The following ASTN2 variants were observed in gnomAD, a reference collection of about 807,000 sequenced individuals.
ASTN2 encodes the protein astrotactin 2.
ASTN2 carries 54 observed loss-of-function variants against 139.8 expected under a neutral mutation model. The ratio of observed to expected loss-of-function variants is 0.39; its 90% CI spans 0.31 to 0.48. The LOEUF (loss-of-function observed/expected upper bound fraction) is 0.48, where lower values mean the gene tolerates loss of function less well. Among genes scored for constraint, ASTN2 ranks in the 20% least tolerant of loss-of-function variants. The pLI, the probability that ASTN2 is intolerant of heterozygous loss-of-function variation, is 0.95. For missense variants in ASTN2, 1,565 were observed against 1,725.1 expected (o/e 0.91, Z 1.64); for synonymous variants, 756 against 719.5 (o/e 1.05, Z -0.81).
chr9:116,608,348 A>G (rs1855322726), intron 19 of ASTN2, among the ~76,000 whole-genome samples: 2 of 152,164 alleles, frequency 1.3e-5, no homozygotes, highest in Non-Finnish European at 2.9e-5. Context: ...AGGCTCATAC[A>G]AGGGCCAGTA....
chr9:117,361,861 T>A (rs1829701467), intron 1 of ASTN2, among the ~76,000 whole-genome samples: 1 of 152,160 alleles, frequency 6.6e-6, no homozygotes, highest in Admixed American at 6.5e-5. Flanking sequence ...ATATTGCATA[T>A]CAAGTTCTTA....
At chr9:116,571,688 C>T (rs777751023) in intron 19 of ASTN2, among the ~76,000 whole-genome samples, 42 of 152,124 alleles carry the variant, frequency 2.8e-4, no homozygotes, top group African/African-American at 8.9e-4. Context: ...ATCTATGATA[C>T]GCCTCTTGAG....
At chr9:117,053,116 C>T (rs546484139) in intron 5 of ASTN2, among the ~76,000 whole-genome samples, 3 of 152,168 alleles carry the variant, frequency 2.0e-5, no homozygotes, top group Non-Finnish European at 4.4e-5. Flanking sequence ...AACCTAGGCA[C>T]TTGATGTGCA....
At position 116,425,579 on chromosome 9, in the gene ASTN2, T is replaced by C. The variant is rs767102362; in HGVS notation, c.*272A>G. The C allele has an allele frequency of 1.4e-5, 22 of 1,613,312 alleles. No homozygotes were observed. In the South Asian group the frequency reaches 2.1e-4, roughly 15 times the overall value. On this transcript the variant is annotated 3_prime_UTR_variant, in exon 23 of 23. Transcript: ENST00000313400. ...CTGCCTCGGGATTGACAGCCATCCA[T>C]AAGAAAAGGTTTAAAAAGGAGAGAC...
intron 10 of ASTN2, among the ~76,000 whole-genome samples, chr9:116,908,901 C>A (rs1445337874): frequency 6.6e-6 from 1 of 152,128 alleles, no homozygotes; most frequent in East Asian, 1.9e-4. Context: ...GGGTGAAGTG[C>A]ATTTCCTGAT....
chr9:116,987,673 T>C (rs1836726141), intron 7 of ASTN2, among the ~76,000 whole-genome samples: 1 of 152,160 alleles, frequency 6.6e-6, no homozygotes. Flanking sequence ...TTTACTATGT[T>C]TTTTCCTATA....
chr9:116,493,207 C>T (rs575219570), intron 19 of ASTN2, among the ~76,000 whole-genome samples: 1 of 152,280 alleles, frequency 6.6e-6, no homozygotes, highest in South Asian at 2.1e-4. Flanking sequence ...GCACCTTTCA[C>T]TAGGCCACTC....
intron 20 of ASTN2, among the ~76,000 whole-genome samples, chr9:116,476,669 A>T (rs1488515989): frequency 6.6e-6 from 1 of 152,208 alleles, no homozygotes; most frequent in African/African-American, 2.4e-5. Flanking sequence ...TGTGCACTGC[A>T]GTAAGTTATG....
chr9:117,193,639 C>CAA (rs61700943), intron 3 of ASTN2, among the ~76,000 whole-genome samples: 96,288 of 106,196 alleles, frequency 0.91, 43,648 homozygotes, highest in Admixed American at 0.93. Flanking sequence ...ATTCAGTCAC[C>CAA]AAAAAAAAAA....
intron 13 of ASTN2, among the ~76,000 whole-genome samples, chr9:116,741,498 C>T (rs114696200): frequency 0.016 from 2,509 of 152,304 alleles, 75 homozygotes; most frequent in African/African-American, 0.057. Flanking sequence ...CCCTCTCTGA[C>T]TGAACTGAGC....
At chr9:117,183,063 T>A (rs905251534) in intron 3 of ASTN2, among the ~76,000 whole-genome samples, 7 of 152,228 alleles carry the variant, frequency 4.6e-5, no homozygotes, top group Non-Finnish European at 8.8e-5. Flanking sequence ...AGAAAGGCCT[T>A]CTTGAACAGC....
rs528580518 is a variant in ASTN2 at position 116,657,569 on chromosome 9, G to A, written c.2807-5776C>T. On this transcript the variant is annotated intron_variant, in intron 16 of 22. Coordinates refer to ENST00000313400, the MANE Select transcript of ASTN2 (RefSeq NM_001365068.1). Reference sequence around the variant, plus strand: ...CATAAAAAGAGGTTAGGCCAGACACGGTGGCTCACGCCTGTAATCCCAATA... The same window carrying A: ...CATAAAAAGAGGTTAGGCCAGACACAGTGGCTCACGCCTGTAATCCCAATA... Among the ~76,000 whole-genome samples, 16 of 152,272 alleles carry A rather than the reference G, an allele frequency of 1.1e-4. No individual in the cohort carries two copies. The South Asian group carries it at 2.7e-3, about 26-fold the overall frequency.
At chr9:116,881,513 C>G (rs947768322) in intron 10 of ASTN2, among the ~76,000 whole-genome samples, 1 of 152,210 alleles carries the variant, frequency 6.6e-6, no homozygotes, top group Non-Finnish European at 1.5e-5. Context: ...GAGACTATAG[C>G]ACCTACCTCT....
intron 15 of ASTN2, among the ~76,000 whole-genome samples, chr9:116,727,732 A>T (rs1013061244): frequency 1.3e-5 from 2 of 152,174 alleles, no homozygotes; most frequent in Admixed American, 6.5e-5. Flanking sequence ...TCCTTGATTC[A>T]TTCATTCCCT....
chr9:116,925,540 T>G (rs912929892), intron 10 of ASTN2, among the ~76,000 whole-genome samples: 1 of 152,174 alleles, frequency 6.6e-6, no homozygotes, highest in East Asian at 1.9e-4. Flanking sequence ...CATACTCACA[T>G]GTACTCATAC....
chr9:117,102,663 C>G (rs112143487), intron 4 of ASTN2, among the ~76,000 whole-genome samples: 1 of 152,104 alleles, frequency 6.6e-6, no homozygotes, highest in South Asian at 2.1e-4. Context: ...GCTGGGATTA[C>G]AGGTGTGCAT....
At chr9:117,274,168 G>A (rs1834129914) in intron 2 of ASTN2, among the ~76,000 whole-genome samples, 1 of 152,056 alleles carries the variant, frequency 6.6e-6, no homozygotes, top group Non-Finnish European at 1.5e-5. Flanking sequence ...GGCTAACATG[G>A]CGAAACCCCG....
At chr9:117,024,790 C>T (rs1838008344) in intron 6 of ASTN2, among the ~76,000 whole-genome samples, 2 of 152,002 alleles carry the variant, frequency 1.3e-5, no homozygotes, top group South Asian at 4.2e-4. Flanking sequence ...TGTCCACACC[C>T]AAATCTCATC....
At chr9:116,580,720 C>A (rs939131331) in intron 19 of ASTN2, among the ~76,000 whole-genome samples, 1 of 152,100 alleles carries the variant, frequency 6.6e-6, no homozygotes, top group Non-Finnish European at 1.5e-5. Flanking sequence ...CTTTTTTAAA[C>A]CAAAGGGATT....
Sources: gnomAD v4.1 joint callset for allele counts (sites outside exome capture counted in the v4.1 genomes callset) on GRCh38, gnomAD v4.1.1 for gene constraint, MANE v1.5 for transcripts, NCBI Gene and HGNC (gene_info 2026-07-23, HGNC 2026-07-21) for gene names.